Variants in EYA3 observed in about 807,000 individuals in gnomAD.
EYA3 encodes protein phosphatase EYA3.
In EYA3, 39 loss-of-function variants were observed where a neutral mutation model predicts 80.0. The observed-to-expected ratio is 0.49, with a 90% CI of 0.38 to 0.64. The LOEUF is 0.64. EYA3 is among the 30% of genes least tolerant of loss of function. The probability of loss-of-function intolerance (pLI) is 0.00; values close to 1 mark genes in which losing one functional copy is unlikely to be tolerated. For synonymous variants in EYA3, 206 were observed against 232.8 expected, an observed-to-expected ratio of 0.88 and a Z score of 1.05; for missense variants, 523 against 676.1, an observed-to-expected ratio of 0.77 and a Z score of 2.51.
At chr1:27,981,443 T>G (rs546759613) in intron 16 of EYA3, among the ~76,000 whole-genome samples, 2 of 152,276 alleles carry the variant, frequency 1.3e-5, no homozygotes, top group African/African-American at 4.8e-5. Flanking sequence ...GCTCAGTGAG[T>G]GCTCTGGGTT....
In EYA3 at chr1:27,972,777, ATGGCTGGGCTGGAAGGCTG is replaced by A. The variant is rs1427259341; in HGVS notation, c.*1670_*1688del. On this transcript the variant is annotated 3_prime_UTR_variant, in exon 18 of 18. Transcript: ENST00000373871. ...TGGAGGGATGGGGCATCCAACAATCATGGCTGGGCTGGAAGGCTGTGACTAGTGCCTGGGCACCCACCAA... is the reference window on the plus strand; with the variant it reads ...TGGAGGGATGGGGCATCCAACAATCATGACTAGTGCCTGGGCACCCACCAA... The A allele has an allele frequency of 4.6e-5, 7 of 152,208 alleles. No homozygotes were observed. Among genetic ancestry groups the A allele is most frequent in the African/African-American group, 1.7e-4 (7 of 41,456 alleles). The allele number at this position is 152,208 out of a possible 1,614,324, so 9.4% of individuals were successfully genotyped here.
chr1:28,018,067 G>A (rs941547025), intron 7 of EYA3, among the ~76,000 whole-genome samples: 5 of 151,762 alleles, frequency 3.3e-5, no homozygotes, highest in African/African-American at 9.7e-5. Flanking sequence ...TGGTGGGCAC[G>A]GGCCTGTAAT....
rs543958317 is a variant in EYA3, at chr1:28,023,320, T to C, written c.499+4469A>G. 2.6e-5 allele frequency among the ~76,000 whole-genome samples: 4 copies of C among 152,272 alleles called. No individual in the cohort carries two copies. In the East Asian group the frequency reaches 7.7e-4, roughly 29 times the overall value. On this transcript the variant is annotated intron_variant, in intron 7 of 17. Coordinates refer to ENST00000373871, the MANE Select transcript of EYA3 (RefSeq NM_001990.4). ...GAATTCCAAATACATTATGTAGATA[T>C]TCTACCCTAAAGAAGGGGCAGCATG...
intron 7 of EYA3, among the ~76,000 whole-genome samples, chr1:28,025,291 TG>T (rs1176595652): frequency 6.6e-6 from 1 of 152,172 alleles, no homozygotes; most frequent in African/African-American, 2.4e-5. Context: ...AACAATAAAA[TG>T]GGCCAATAGA....
intron 2 of EYA3, among the ~76,000 whole-genome samples, chr1:28,054,653 G>C (rs1489299756): frequency 6.6e-6 from 1 of 152,154 alleles, no homozygotes; most frequent in African/African-American, 2.4e-5. Flanking sequence ...GAGCCCAGGA[G>C]TTCGAGACCA....
At chr1:28,022,501 T>TTAGA (rs980072586) in intron 7 of EYA3, among the ~76,000 whole-genome samples, 14 of 152,060 alleles carry the variant, frequency 9.2e-5, no homozygotes, top group African/African-American at 3.4e-4. Flanking sequence ...GGGACAGGGT[T>TTAGA]TAGAATGATC....
At chr1:28,038,447 A>AAAAAAAAAAAAAAAAC (rs1643580049) in intron 5 of EYA3, among the ~76,000 whole-genome samples, 1 of 150,088 alleles carries the variant, frequency 6.7e-6, no homozygotes, top group African/African-American at 2.4e-5. Context: ...CTTAAAAAAA[A>AAAAAAAAAAAAAAAAC]AAAAAAAAAA....
At chr1:28,080,080 T>G (rs918760498) in intron 1 of EYA3, among the ~76,000 whole-genome samples, 9 of 152,332 alleles carry the variant, frequency 5.9e-5, no homozygotes, top group African/African-American at 2.2e-4. Context: ...TTCTAATGTA[T>G]TCCCGTAGTA....
In EYA3 at chr1:27,971,773, T is replaced by G. The variant is rs922124452; in HGVS notation, c.*2693A>C. On this transcript the variant is annotated 3_prime_UTR_variant, in exon 18 of 18. Coordinates refer to ENST00000373871, the MANE Select transcript of EYA3 (RefSeq NM_001990.4). ...CTAACAGCTCTTAATCCTACCCACT[T>G]ATTTTCCTTTCCAGATTTTTGTGTT... The G allele has an allele frequency of 6.6e-6, 1 of 152,228 alleles. No homozygotes were observed. Among genetic ancestry groups the G allele is most frequent in the Non-Finnish European group, 1.5e-5 (1 of 68,072 alleles). The allele number at this position is 152,228 out of a possible 1,614,324, so 9.4% of individuals were successfully genotyped here.
intron 13 of EYA3, among the ~76,000 whole-genome samples, chr1:27,996,005 TG>T: frequency 6.6e-6 from 1 of 152,198 alleles, no homozygotes; most frequent in East Asian, 1.9e-4. Context: ...CCCAAGTAGC[TG>T]GGACTACAGG....
intron 1 of EYA3, among the ~76,000 whole-genome samples, chr1:28,087,119 C>T (rs1044648414): frequency 1.3e-4 from 20 of 152,116 alleles, no homozygotes; most frequent in African/African-American, 4.8e-4. Context: ...GACACAAAAA[C>T]CGCTGCAATC....
At chr1:28,041,775 G>C (rs1480416516) in intron 4 of EYA3, among the ~76,000 whole-genome samples, 1 of 152,122 alleles carries the variant, frequency 6.6e-6, no homozygotes, top group Non-Finnish European at 1.5e-5. Context: ...CTCCCAAAGT[G>C]TTGGGATTAC....
At chr1:28,005,805 A>G (rs982240816) in intron 10 of EYA3, among the ~76,000 whole-genome samples, 9 of 152,154 alleles carry the variant, frequency 5.9e-5, no homozygotes, top group African/African-American at 1.9e-4. Context: ...GCAGCATATT[A>G]AAAGAATTAA....
intron 17 of EYA3, chr1:27,977,512 G>T (rs1383245204): frequency 2.0e-6 from 2 of 988,200 alleles, no homozygotes; most frequent in Non-Finnish European, 2.9e-6. Flanking sequence ...GGGATTTTAA[G>T]TTCTATAGCC....
chr1:27,987,433 G>C (rs1180343108), intron 16 of EYA3, among the ~76,000 whole-genome samples: 1 of 152,092 alleles, frequency 6.6e-6, no homozygotes, highest in Non-Finnish European at 1.5e-5. Flanking sequence ...TGAGTGTGCA[G>C]GTATCTCTTT....
chr1:28,076,144 T>C (rs944633136), intron 1 of EYA3, among the ~76,000 whole-genome samples: 3 of 152,204 alleles, frequency 2.0e-5, no homozygotes, highest in Non-Finnish European at 4.4e-5. Flanking sequence ...GGACTTTCTG[T>C]AGACAGATAA....
At chr1:28,052,096 C>A (rs1050643161) in intron 2 of EYA3, among the ~76,000 whole-genome samples, 2 of 152,098 alleles carry the variant, frequency 1.3e-5, no homozygotes, top group African/African-American at 4.8e-5. Context: ...GCAACCTCCA[C>A]CTCCTGGGTT....
intron 2 of EYA3, among the ~76,000 whole-genome samples, chr1:28,049,741 C>T (rs868296532): frequency 6.6e-6 from 1 of 152,066 alleles, no homozygotes; most frequent in Non-Finnish European, 1.5e-5. Flanking sequence ...CAGTGTTTTG[C>T]CTGGAAACTA....
intron 1 of EYA3, among the ~76,000 whole-genome samples, chr1:28,081,054 G>A (rs1218781333): frequency 6.6e-6 from 1 of 152,116 alleles, no homozygotes; most frequent in Non-Finnish European, 1.5e-5. Flanking sequence ...ACTGCGCCCG[G>A]CCGATGGTTC....
Sources: gnomAD v4.1 joint callset for allele counts (sites outside exome capture counted in the v4.1 genomes callset) on GRCh38, gnomAD v4.1.1 for gene constraint, MANE v1.5 for transcripts, NCBI Gene and HGNC (gene_info 2026-07-23, HGNC 2026-07-21) for gene names.